LSS: variants seen among roughly 807,000 people sequenced by gnomAD.
The protein encoded by LSS is lanosterol synthase.
In LSS, 90 loss-of-function variants were observed where a neutral mutation model predicts 110.3. The ratio of observed to expected loss-of-function variants is 0.82; its 90% CI spans 0.69 to 0.97. LSS has a LOEUF of 0.97. Among genes scored for constraint, LSS ranks in the 50% least tolerant of loss-of-function variants. LSS has a pLI of 0.00. For synonymous variants in LSS, 433 were observed against 400.0 expected, an observed-to-expected ratio of 1.08 and a Z score of -0.98; for missense variants, 927 against 990.0, an observed-to-expected ratio of 0.94 and a Z score of 0.85.
At chr21:46,191,728 C>G (rs2079818415) in intron 21 of LSS, among the ~76,000 whole-genome samples, 153 bp downstream of exon 21, 1 of 152,238 alleles carries the variant, frequency 6.6e-6, no homozygotes, top group South Asian at 2.1e-4. Context: ...CTGCCACAGA[C>G]CTGCCACCAA....
rs781689545 is a variant in LSS at position 46,213,700 on chromosome 21, C to T, written c.1109+38G>A. The T allele has an allele frequency of 5.7e-6, 9 of 1,570,144 alleles. No individual in the cohort carries two copies. The East Asian group carries it at 9.3e-5, about 16-fold the overall frequency. ...GCAGCTGGGGCTCAGATCCAGTCTT[C>T]GTGAGAGGCCCCGCCAGCATATCCC... On this transcript the variant is annotated intron_variant, in intron 10 of 21. Coordinates refer to ENST00000397728, the MANE Select transcript of LSS (RefSeq NM_002340.6).
chr21:46,227,906 A>C (rs1158485713), intron 2 of LSS, among the ~76,000 whole-genome samples: 1 of 152,222 alleles, frequency 6.6e-6, no homozygotes, highest in Admixed American at 6.5e-5. Flanking sequence ...TTTATTTGCC[A>C]GTCATGTATT....
chr21:46,215,438 T>A (rs916819017), intron 8 of LSS, 140 bp from the exon 9 acceptor site: 13 of 436,324 alleles, frequency 3.0e-5, no homozygotes, highest in Non-Finnish European at 4.8e-5. Flanking sequence ...TCTGAGCTCC[T>A]CCTTCCCTGC....
chr21:46,194,557 T>C lies in LSS; in HGVS notation c.1922A>G (p.Tyr641Cys), dbSNP rs1395209352. 7.4e-6 allele frequency: 12 copies of C among 1,613,676 alleles called. No homozygotes were observed. Among genetic ancestry groups the C allele is most frequent in the Admixed American group, 1.7e-5 (1 of 59,994 alleles). ...EDFESCEERR[Y>C]LQSAQSQIHN... ...GATCTGGGACTGGGCACTCTGCAAATAACGCCGCTCCTCGCAGGACTCAAA... is the reference window on the plus strand; with the variant it reads ...GATCTGGGACTGGGCACTCTGCAAACAACGCCGCTCCTCGCAGGACTCAAA... Residue 641 changes from tyrosine to cysteine, a missense_variant, in exon 20 of 22, where the codon TAT becomes TGT. Tyr to Cys is a radical substitution (Grantham distance 194, BLOSUM62 -2). Transcript: ENST00000397728.
At chr21:46,202,597 A>T (rs534023162) in intron 17 of LSS, among the ~76,000 whole-genome samples, 1 of 152,312 alleles carries the variant, frequency 6.6e-6, no homozygotes, top group South Asian at 2.1e-4. Flanking sequence ...TGAAAATTTT[A>T]AAAATGGCTG....
At chr21:46,196,837 T>C (rs2079916191) in intron 17 of LSS, among the ~76,000 whole-genome samples, 1 of 152,238 alleles carries the variant, frequency 6.6e-6, no homozygotes, top group South Asian at 2.1e-4. Flanking sequence ...GCTAGCAGAC[T>C]CCCTCTACCA....
intron 3 of LSS, among the ~76,000 whole-genome samples, chr21:46,223,320 A>G (rs948926113): frequency 2.0e-5 from 3 of 152,234 alleles, no homozygotes; most frequent in African/African-American, 7.2e-5. Context: ...CCTCTCAGGC[A>G]TGGTGCTCAC....
intron 5 of LSS, among the ~76,000 whole-genome samples, chr21:46,221,071 A>C (rs371862881): frequency 7.4e-6 from 1 of 136,028 alleles, no homozygotes; most frequent in South Asian, 2.6e-4. Context: ...GGAGAAGTAG[A>C]CAGTTGGGGC....
At chr21:46,220,816 TGGGGCTTGGAGAG>T (rs2123756018) in intron 5 of LSS, among the ~76,000 whole-genome samples, 1 of 137,198 alleles carries the variant, frequency 7.3e-6, no homozygotes, top group African/African-American at 2.8e-5. Context: ...GGTAGACAGT[TGGGGCTTGGAGAG>T]GTGGACAGCC....
Position 46,190,971 on chromosome 21 carries a change from C to T in LSS, c.*133G>A. ...CCATCCCTGCCTCCAGCCTGGCCCC[C>T]AGATTCACATCTATGAGATAGAGGT... On this transcript the variant is annotated 3_prime_UTR_variant, in exon 22 of 22. Coordinates refer to ENST00000397728, the MANE Select transcript of LSS (RefSeq NM_002340.6). This position sits in a 1 kb window ranked among gnomAD's most constrained non-coding sequence, Gnocchi z 4.6. The T allele has an allele frequency of 9.2e-7, 1 of 1,092,676 alleles. No homozygotes were observed. Among genetic ancestry groups the T allele is most frequent in the Non-Finnish European group, 1.3e-6 (1 of 767,092 alleles). 67.7% of individuals were successfully genotyped at this position (1,092,676 alleles called of 1,614,324 possible).
At chr21:46,195,576 A>G in intron 19 of LSS, 100 bp downstream of exon 19, 1 of 1,143,638 alleles carries the variant, frequency 8.7e-7, no homozygotes. Flanking sequence ...ACAAACAAAC[A>G]AACAAACAAA....
intron 17 of LSS, among the ~76,000 whole-genome samples, chr21:46,199,942 G>A (rs2079958572): frequency 6.6e-6 from 1 of 152,172 alleles, no homozygotes; most frequent in South Asian, 2.1e-4. Context: ...ATGGACTCTG[G>A]ACGATAATAA....
At position 46,191,065 on chromosome 21, in the gene LSS, C is replaced by T. The variant is rs757351256; in HGVS notation, c.*39G>A. 1.5e-5 allele frequency: 24 copies of T among 1,611,992 alleles called. No individual in the cohort carries two copies. The highest frequency in any genetic ancestry group is 2.0e-5 in the Non-Finnish European group (23 of 1,178,972). On this transcript the variant is annotated 3_prime_UTR_variant, in exon 22 of 22. Transcript: ENST00000397728. Reference sequence around the variant, plus strand: ...ACCCGGCCAGGACCCCTTGGCCTCACTGGAACGCACAGACGGCACCCAGCA... The same window carrying T: ...ACCCGGCCAGGACCCCTTGGCCTCATTGGAACGCACAGACGGCACCCAGCA...
chr21:46,212,544 C>A (rs2080147478), intron 11 of LSS, among the ~76,000 whole-genome samples: 1 of 152,226 alleles, frequency 6.6e-6, no homozygotes, highest in Admixed American at 6.5e-5. Context: ...TGCTTGGTGC[C>A]CCTCATGACT....
chr21:46,228,129 AG>A (rs1333091665), intron 2 of LSS, among the ~76,000 whole-genome samples: 1 of 152,254 alleles, frequency 6.6e-6, no homozygotes, highest in Non-Finnish European at 1.5e-5. Flanking sequence ...CAACTAAGAC[AG>A]TGGATCCAAA....
At chr21:46,202,006 G>A (rs2079984488) in intron 17 of LSS, among the ~76,000 whole-genome samples, 1 of 150,588 alleles carries the variant, frequency 6.6e-6, no homozygotes, top group South Asian at 2.1e-4. Context: ...GTGTTAGCCA[G>A]GATGGTCTCG....
chr21:46,200,375 A>C (rs2079963889), intron 17 of LSS, among the ~76,000 whole-genome samples: 1 of 152,166 alleles, frequency 6.6e-6, no homozygotes, highest in Admixed American at 6.5e-5. Flanking sequence ...ATAGTCTAAA[A>C]CTGTCTCCCC....
In LSS at chr21:46,195,747, TC is replaced by T. The variant is rs770554010; in HGVS notation, c.1745del (p.Gly582GlufsTer75). The T allele has an allele frequency of 5.6e-6, 9 of 1,613,064 alleles. No homozygotes were observed. Among genetic ancestry groups the T allele is most frequent in the Non-Finnish European group, 8.5e-7 (1 of 1,179,878 alleles). ...RADGSWEGSW[G>X]VCFTYGTWFG... The stretch of plus-strand genomic sequence containing the variant: ...ACCAGGTGCCGTAGGTGAAGCAAAC[TC>T]CCCAGGAGCTGGAGGGAAACAGGGA... On this transcript the variant is annotated frameshift_variant, in exon 19 of 22. Transcript: ENST00000397728. LOFTEE classifies it high-confidence loss of function.
intron 13 of LSS, among the ~76,000 whole-genome samples, 175 bp from the exon 14 acceptor site, chr21:46,208,476 T>C (rs1168281758): frequency 1.3e-5 from 2 of 152,190 alleles, no homozygotes; most frequent in Non-Finnish European, 2.9e-5. Flanking sequence ...GGCCTGCACC[T>C]GTTTAGCTCA....
Sources: gnomAD v4.1 joint callset for allele counts (sites outside exome capture counted in the v4.1 genomes callset) on GRCh38, gnomAD v4.1.1 for gene constraint, Gnocchi (gnomAD v3.1) non-coding constraint, MANE v1.5 for transcripts, NCBI Gene and HGNC (gene_info 2026-07-23, HGNC 2026-07-21) for gene names.